Variants in SRGAP2 observed in about 807,000 individuals in gnomAD.
SRGAP2 encodes the protein SLIT-ROBO Rho GTPase activating protein 2.
In SRGAP2, 15 loss-of-function variants were observed where a neutral mutation model predicts 57.2. The observed-to-expected ratio is 0.26, with a 90% confidence interval of 0.18 to 0.40. The LOEUF is 0.40. Ranked by LOEUF, SRGAP2 falls within the 10% of genes least tolerant of loss-of-function variation. The pLI, the probability that SRGAP2 is intolerant of heterozygous loss-of-function variation, is 1.00. For synonymous variants in SRGAP2, 249 were observed against 248.0 expected, an observed-to-expected ratio of 1.00 and a Z score of -0.04; for missense variants, 520 against 669.6, an observed-to-expected ratio of 0.78 and a Z score of 2.47.
chr1:206,340,011 A>G (rs1435202239), intron 3 of SRGAP2, among the ~76,000 whole-genome samples: 15 of 146,756 alleles, frequency 1.0e-4, no homozygotes, highest in Non-Finnish European at 2.2e-4. Flanking sequence ...GCTGGTCTTG[A>G]ACTCTTGGTC....
intron 3 of SRGAP2, among the ~76,000 whole-genome samples, chr1:206,327,806 A>T (rs1466270962): frequency 1.1e-5 from 1 of 88,646 alleles, no homozygotes; most frequent in Non-Finnish European, 2.0e-5. Flanking sequence ...ACACTGAATC[A>T]TTTTTTTTTT....
chr1:206,414,237 A>G (rs1659481788), intron 10 of SRGAP2, among the ~76,000 whole-genome samples: 1 of 151,784 alleles, frequency 6.6e-6, no homozygotes, highest in Non-Finnish European at 1.5e-5. Flanking sequence ...GGGTTTCACC[A>G]TGTTGGCCAG....
At chr1:206,346,291 A>G (rs1165761925) in intron 4 of SRGAP2, among the ~76,000 whole-genome samples, 1 of 152,134 alleles carries the variant, frequency 6.6e-6, no homozygotes, top group African/African-American at 2.4e-5. Context: ...TTAAAAAAAG[A>G]GTGTGGTCTA....
intron 10 of SRGAP2, among the ~76,000 whole-genome samples, chr1:206,412,555 A>G (rs1249693077): frequency 6.6e-6 from 1 of 152,248 alleles, no homozygotes; most frequent in African/African-American, 2.4e-5. Context: ...CTAATATTGG[A>G]ACATGCCCTA....
chr1:206,360,006 C>G (rs1676780533), intron 4 of SRGAP2, among the ~76,000 whole-genome samples: 2 of 150,970 alleles, frequency 1.3e-5, no homozygotes, highest in Non-Finnish European at 2.9e-5. Flanking sequence ...CGGGGTTTCA[C>G]CGTTTTAGCC....
intron 11 of SRGAP2, among the ~76,000 whole-genome samples, chr1:206,416,606 C>T (rs559922242): frequency 2.6e-5 from 4 of 152,252 alleles, no homozygotes; most frequent in South Asian, 2.1e-4. Flanking sequence ...AGAACTGGAC[C>T]GGCACTCTGG....
At position 206,418,390 on chromosome 1, in the gene SRGAP2, A is replaced by C. The variant is rs574518666; in HGVS notation, c.1442-983A>C. ...GCAACAATTACCAACCTTTAAAGGC[A>C]AGAAAATGCCCTGCCCTCCCTCCGC... On this transcript the variant is annotated intron_variant, in intron 11 of 22. Transcript: ENST00000573034. Among the ~76,000 whole-genome samples the C allele has an allele frequency of 1.6e-4, 24 of 152,352 alleles. 1 individual carries two copies. Among genetic ancestry groups the C allele is most frequent in the African/African-American group, 5.8e-4 (24 of 41,598 alleles).
chr1:206,298,980 C>T (rs1671734463), intron 2 of SRGAP2, among the ~76,000 whole-genome samples: 1 of 152,154 alleles, frequency 6.6e-6, no homozygotes, highest in African/African-American at 2.4e-5. Context: ...TTAGACCTGT[C>T]TTTTCCTCCT....
At chr1:206,429,501 C>A (rs1553367539) in intron 13 of SRGAP2, among the ~76,000 whole-genome samples, 1 of 152,200 alleles carries the variant, frequency 6.6e-6, no homozygotes, top group African/African-American at 2.4e-5. Context: ...GAGTCACAGT[C>A]AGGGTTGAGG....
At position 206,203,605 on chromosome 1, in the gene SRGAP2, G is replaced by A. The variant is rs1245447998; in HGVS notation, c.-588G>A. 2 of 598,628 alleles carry A rather than the reference G, an allele frequency of 3.3e-6. No homozygotes were observed. Among genetic ancestry groups the A allele is most frequent in the East Asian group, 5.6e-5 (2 of 35,500 alleles). 37.1% of individuals were successfully genotyped at this position (598,628 alleles called of 1,614,324 possible). On this transcript the variant is annotated 5_prime_UTR_variant, in exon 1 of 23. It adds an upstream start codon to the 5' untranslated region. Transcript: ENST00000573034. Reference sequence around the variant, plus strand: ...GGAAGAGAGGGGAGGAGAGCTCTGAGTGGGAAGCGGAGCCGGGGGCCTGGG... The same window carrying A: ...GGAAGAGAGGGGAGGAGAGCTCTGAATGGGAAGCGGAGCCGGGGGCCTGGG...
rs376946625 is a variant in SRGAP2, at chr1:206,461,029, T to C, written c.2833-8T>C. 2.9e-5 allele frequency: 20 copies of C among 681,832 alleles called. No individual in the cohort carries two copies. The African/African-American group carries it at 3.0e-4, about 10-fold the overall frequency. 42.2% of individuals were successfully genotyped at this position (681,832 alleles called of 1,614,324 possible). A position where few individuals can be genotyped will look rare whatever the true frequency, so the allele number is the denominator to read the frequency against. On this transcript the variant is annotated splice_polypyrimidine_tract_variant and splice_region_variant and intron_variant, in intron 22 of 22. Coordinates refer to ENST00000573034, the MANE Select transcript of SRGAP2 (RefSeq NM_015326.5). Reference sequence around the variant, plus strand: ...TTGCCTCACCTCCTCCTTTTTCCTGTTTTGCAGGATATTGAGGCAACAATG... The same window carrying C: ...TTGCCTCACCTCCTCCTTTTTCCTGCTTTGCAGGATATTGAGGCAACAATG...
chr1:206,263,248 C>G (rs1306205264), intron 2 of SRGAP2, among the ~76,000 whole-genome samples: 1 of 142,974 alleles, frequency 7.0e-6, no homozygotes, highest in Non-Finnish European at 1.5e-5. Flanking sequence ...ACCAAATGAA[C>G]CCCTTAAAAC....
At chr1:206,289,569 G>A (rs1377749020) in intron 2 of SRGAP2, among the ~76,000 whole-genome samples, 4 of 151,336 alleles carry the variant, frequency 2.6e-5, no homozygotes, top group East Asian at 1.9e-4. Context: ...GAGCCACCGC[G>A]CCCAGCTGGA....
chr1:206,432,786 G>A (rs1210524914), intron 14 of SRGAP2, among the ~76,000 whole-genome samples: 2 of 152,196 alleles, frequency 1.3e-5, no homozygotes, highest in Non-Finnish European at 2.9e-5. Context: ...GAACATCAGA[G>A]CTTAGCCTAG....
chr1:206,447,963 C>T (rs1553374486), intron 18 of SRGAP2, among the ~76,000 whole-genome samples: 1 of 152,190 alleles, frequency 6.6e-6, no homozygotes, highest in East Asian at 1.9e-4. Flanking sequence ...TCTGGAAAAA[C>T]CACAAGATTA....
At chr1:206,445,359 C>A (rs891675085) in intron 17 of SRGAP2, among the ~76,000 whole-genome samples, 1 of 152,176 alleles carries the variant, frequency 6.6e-6, no homozygotes, top group Non-Finnish European at 1.5e-5. Context: ...TAAATAAATA[C>A]CCGAGAATGA....
chr1:206,354,875 C>T (rs1223757465), intron 4 of SRGAP2, among the ~76,000 whole-genome samples: 1 of 150,548 alleles, frequency 6.6e-6, no homozygotes, highest in East Asian at 1.9e-4. Flanking sequence ...TCCTCCCTCC[C>T]TTCCTTTTCT....
intron 10 of SRGAP2, among the ~76,000 whole-genome samples, chr1:206,409,650 C>T (rs1659011068): frequency 6.6e-6 from 1 of 151,642 alleles, no homozygotes; most frequent in African/African-American, 2.4e-5. Context: ...GGTGTGGTGG[C>T]AGGCGCCTGT....
chr1:206,287,765 G>A (rs1277641442), intron 2 of SRGAP2, among the ~76,000 whole-genome samples: 4 of 80,334 alleles, frequency 5.0e-5, no homozygotes, highest in African/African-American at 2.8e-4. Flanking sequence ...GAAGGGAAGA[G>A]ATCAAGGAAA....
Sources: gnomAD v4.1 joint callset for allele counts (sites outside exome capture counted in the v4.1 genomes callset) on GRCh38, gnomAD v4.1.1 for gene constraint, MANE v1.5 for transcripts, NCBI Gene and HGNC (gene_info 2026-07-23, HGNC 2026-07-21) for gene names.